The following SEC14L1 variants were observed in gnomAD, a reference collection of about 807,000 sequenced individuals.
SEC14L1 encodes the protein SEC14-like protein 1.
A neutral mutation model predicts 85.3 loss-of-function variants in SEC14L1; 48 were observed. The ratio of observed to expected loss-of-function variants is 0.56; its 90% CI spans 0.45 to 0.72. The LOEUF is 0.72. SEC14L1 is among the 30% of genes least tolerant of loss of function. The pLI is 0.00. For missense variants in SEC14L1, 682 were observed against 921.4 expected (o/e 0.74, Z 3.36); for synonymous variants, 391 against 355.5 (o/e 1.10, Z -1.12).
rs143885262 is a variant in SEC14L1, at chr17:77,212,098, C to T, written c.1760C>T (p.Pro587Leu). 98 of 1,614,026 alleles carry T rather than the reference C, an allele frequency of 6.1e-5. No individual in the cohort carries two copies. The highest frequency in any genetic ancestry group is 1.6e-4 in the Middle Eastern group (1 of 6,084). The change falls in exon 15 of 17, where the codon CCG (proline) becomes CTG (leucine). Residue 587 changes from proline to leucine, a missense_variant. This residue lies in a region of SEC14L1 where 420 missense variants were observed against 619.5 expected (regional missense o/e 0.68). Transcript: ENST00000436233. ...CTGGGAGCCCACAGCATCACCTCTC[C>T]GGGTGGGAACAATGTGCAGCTCATA... ...DSLGAHSITS[P>L]GGNNVQLIDK...
At chr17:77,143,718 G>A in intron 3 of SEC14L1, 59 bp downstream of exon 3, 2 of 1,214,314 alleles carry the variant, frequency 1.6e-6, no homozygotes, top group Non-Finnish European at 2.4e-6. Flanking sequence ...TACAGTGTTA[G>A]AATTTGATGA....
chr17:77,121,325 G>T (rs1381508145), intron 3 of SEC14L1, among the ~76,000 whole-genome samples: 1 of 152,158 alleles, frequency 6.6e-6, no homozygotes, highest in Non-Finnish European at 1.5e-5. Context: ...CAAATATTTT[G>T]AATAATGGCC....
At chr17:77,157,441 C>T (rs1325416916) in intron 3 of SEC14L1, among the ~76,000 whole-genome samples, 1 of 152,156 alleles carries the variant, frequency 6.6e-6, no homozygotes, top group Non-Finnish European at 1.5e-5. Context: ...TTAACGCCTG[C>T]TCAAGCTGGA....
In SEC14L1 at chr17:77,205,080, T is replaced by C. The variant is rs989689690; in HGVS notation, c.1099-196T>C. ...TTGCCACACATGACAGTGTTTATTCTCTTTCAAAAGTAGAATTTATTTGTT... is the reference window on the plus strand; with the variant it reads ...TTGCCACACATGACAGTGTTTATTCCCTTTCAAAAGTAGAATTTATTTGTT... On this transcript the variant is annotated intron_variant, in intron 10 of 16. Transcript: ENST00000436233. 3 of 562,098 alleles carry C rather than the reference T, an allele frequency of 5.3e-6. No individual in the cohort carries two copies. In the Admixed American group the frequency reaches 9.6e-5, roughly 18 times the overall value. The allele number at this position is 562,098 out of a possible 1,614,324, so 34.8% of individuals were successfully genotyped here.
chr17:77,165,602 T>C (rs1011700886), intron 3 of SEC14L1, among the ~76,000 whole-genome samples: 3 of 152,132 alleles, frequency 2.0e-5, no homozygotes, highest in African/African-American at 7.2e-5. Context: ...CAAGATTGAT[T>C]TTCCTTTCAC....
At chr17:77,204,121 C>G (rs539131182) in intron 10 of SEC14L1, among the ~76,000 whole-genome samples, 1 of 152,312 alleles carries the variant, frequency 6.6e-6, no homozygotes, top group East Asian at 1.9e-4. Context: ...CTTCCCCCTC[C>G]CAGAGAAGAA....
chr17:77,208,885 T>G (rs545757903), intron 13 of SEC14L1, among the ~76,000 whole-genome samples: 3 of 152,396 alleles, frequency 2.0e-5, no homozygotes, highest in Non-Finnish European at 4.4e-5. Context: ...GCTGGTGTTA[T>G]AGACCAGTCA....
intron 3 of SEC14L1, among the ~76,000 whole-genome samples, chr17:77,124,824 C>T (rs1598255769): frequency 6.6e-6 from 1 of 151,986 alleles, no homozygotes; most frequent in Non-Finnish European, 1.5e-5. Context: ...TTCAGCATGT[C>T]GTACAGTCGC....
At chr17:77,091,921 T>C (rs147100797) in intron 2 of SEC14L1, among the ~76,000 whole-genome samples, 4,106 of 152,046 alleles carry the variant, frequency 0.027, 181 homozygotes, top group African/African-American at 0.094. Flanking sequence ...AAGCGATTCT[T>C]CTGCCTCAGC....
chr17:77,199,273 G>A (rs181738192), intron 8 of SEC14L1: 1,995 of 155,616 alleles, frequency 0.013, 38 homozygotes, highest in Non-Finnish European at 0.015. Context: ...CAAAGTGCTG[G>A]GATTACAGGC....
intron 11 of SEC14L1, among the ~76,000 whole-genome samples, chr17:77,205,943 G>A (rs1177319009): frequency 6.6e-6 from 1 of 152,132 alleles, no homozygotes; most frequent in Non-Finnish European, 1.5e-5. Flanking sequence ...ACAGCACACT[G>A]TGGCTTTGCT....
Position 77,162,160 on chromosome 17 carries a change from G to A in SEC14L1, c.63+18501G>A, listed in dbSNP as rs368120806. On this transcript the variant is annotated intron_variant, in intron 3 of 16. Transcript: ENST00000436233. ...GCACCGGACCCCAGTCCTGGCGCTC[G>A]GCGGGGGAGGGACCGGCTCTCTGAG... 3.9e-3 allele frequency among the ~76,000 whole-genome samples: 590 copies of A among 151,892 alleles called. 3 individuals carry two copies. Among genetic ancestry groups the A allele is most frequent in the Non-Finnish European group, 6.9e-3 (468 of 67,954 alleles).
intron 3 of SEC14L1, chr17:77,093,459 TC>T (rs1971564186): frequency 6.6e-6 from 1 of 152,204 alleles, no homozygotes. Flanking sequence ...ACTCTGTGGT[TC>T]CTGTGCCCGC....
chr17:77,216,936 C>T lies in SEC14L1; in HGVS notation c.*2913C>T. On this transcript the variant is annotated 3_prime_UTR_variant, in exon 17 of 17. Transcript: ENST00000436233. ...TTAGTACTAATGATTCTTTGATTCTCCCTCTATTATGTCTTAATTCACTTT... is the reference window on the plus strand; with the variant it reads ...TTAGTACTAATGATTCTTTGATTCTTCCTCTATTATGTCTTAATTCACTTT... The T allele has an allele frequency of 4.9e-6, 1 of 204,072 alleles. No homozygotes were observed. Among genetic ancestry groups the T allele is most frequent in the Non-Finnish European group, 1.0e-5 (1 of 99,200 alleles). 12.6% of individuals were successfully genotyped at this position (204,072 alleles called of 1,614,324 possible). A position where few individuals can be genotyped will look rare whatever the true frequency, so the allele number is the denominator to read the frequency against.
At chr17:77,131,677 T>C (rs1972617614) in intron 3 of SEC14L1, among the ~76,000 whole-genome samples, 1 of 152,102 alleles carries the variant, frequency 6.6e-6, no homozygotes. Context: ...ATGAATAGAG[T>C]GGAGATGAAT....
Position 77,216,250 on chromosome 17 carries a change from GTT to G in SEC14L1, c.*2228_*2229del. 3.4e-6 allele frequency: 4 copies of G among 1,161,996 alleles called. No individual in the cohort carries two copies. The highest frequency in any genetic ancestry group is 4.3e-6 in the Non-Finnish European group (4 of 936,576). 72.0% of individuals were successfully genotyped at this position (1,161,996 alleles called of 1,614,324 possible). A position where few individuals can be genotyped will look rare whatever the true frequency, so the allele number is the denominator to read the frequency against. On this transcript the variant is annotated 3_prime_UTR_variant, in exon 17 of 17. Transcript: ENST00000436233. ...TTCGTAGGTAGGGTTCGTAGGTAGG[GTT>G]CGTAGGTAGGGTTCGTAGGTAGGGT...
intron 3 of SEC14L1, among the ~76,000 whole-genome samples, chr17:77,117,235 T>A (rs538832796): frequency 6.6e-6 from 1 of 152,184 alleles, no homozygotes; most frequent in East Asian, 1.9e-4. Context: ...TAGTCCCAGC[T>A]ACTTGGGAGG....
intron 3 of SEC14L1, among the ~76,000 whole-genome samples, chr17:77,133,346 G>A (rs915790951): frequency 3.9e-5 from 6 of 152,232 alleles, no homozygotes; most frequent in African/African-American, 1.2e-4. Context: ...TGCCGGGGGC[G>A]GGAATGTGTC....
intron 15 of SEC14L1, chr17:77,212,578 G>C (rs1164765031): frequency 4.1e-6 from 1 of 243,226 alleles, no homozygotes; most frequent in African/African-American, 2.3e-5. Context: ...AGTACTTAGA[G>C]AACTATTAGC....
Sources: gnomAD v4.1 joint callset for allele counts (sites outside exome capture counted in the v4.1 genomes callset) on GRCh38, gnomAD v4.1.1 for gene constraint, gnomAD v4.1.1 regional missense constraint, MANE v1.5 for transcripts, NCBI Gene and HGNC (gene_info 2026-07-23, HGNC 2026-07-21) for gene names.